MEGF9: variants seen among roughly 807,000 people sequenced by gnomAD.
MEGF9 encodes the protein multiple epidermal growth factor-like domains protein 9.
Under a neutral mutation model 46.8 loss-of-function variants are expected in MEGF9, and 6 were observed. The observed-to-expected ratio is 0.13, with a 90% CI of 0.07 to 0.25. The LOEUF (loss-of-function observed/expected upper bound fraction) is 0.25, where lower values mean the gene tolerates loss of function less well. Ranked by LOEUF, MEGF9 falls within the 10% of genes least tolerant of loss-of-function variation. The pLI is 1.00. For synonymous variants in MEGF9, 302 were observed against 330.7 expected (o/e 0.91, Z 0.94); for missense variants, 683 against 792.4 (o/e 0.86, Z 1.66).
rs1284886838 is a variant in MEGF9, at chr9:120,660,905, G to A, written c.602-1330C>T. ...TATAAAATGGCACTGTACCAACACA[G>A]TTTAGCTTGGAAAAAATAATCTTTG... On this transcript the variant is annotated intron_variant, in intron 1 of 5. Transcript: ENST00000373930. Among the ~76,000 whole-genome samples the A allele has an allele frequency of 2.6e-5, 4 of 152,192 alleles. No individual in the cohort carries two copies. In the East Asian group the frequency reaches 7.7e-4, roughly 29 times the overall value.
rs980554788 is a variant in MEGF9 at position 120,604,061 on chromosome 9, T to C, written c.*1129A>G. 1.3e-5 allele frequency: 2 copies of C among 152,664 alleles called. No individual in the cohort carries two copies. Among genetic ancestry groups the C allele is most frequent in the Non-Finnish European group, 2.9e-5 (2 of 68,044 alleles). The allele number at this position is 152,664 out of a possible 1,614,324, so 9.5% of individuals were successfully genotyped here. ...GTTTTATATTAATCTATGTAAAATA[T>C]ATAGGGTGGCTAATGTCTAATTAGA... On this transcript the variant is annotated 3_prime_UTR_variant, in exon 6 of 6. Transcript: ENST00000373930.
chr9:120,692,854 C>A (rs1023331125), intron 1 of MEGF9, among the ~76,000 whole-genome samples: 2 of 152,148 alleles, frequency 1.3e-5, no homozygotes, highest in African/African-American at 4.8e-5. Context: ...AGAAAACATC[C>A]CACAGAAAGC....
intron 1 of MEGF9, chr9:120,689,867 A>G (rs377228711): frequency 1.0e-5 from 5 of 489,886 alleles, no homozygotes; most frequent in Non-Finnish European, 1.7e-5. Context: ...TTACTTGCAC[A>G]TTATGTCAAT....
Position 120,643,284 on chromosome 9 carries a change from T to C in MEGF9, c.803+16090A>G, listed in dbSNP as rs1015731637. ...GCTGATTTAATTTTCTTTCAGGGAA[T>C]AGAGAGGAAGACAAAGCCTTCTCTG... On this transcript the variant is annotated intron_variant, in intron 2 of 5. Transcript: ENST00000373930. 3.9e-5 allele frequency among the ~76,000 whole-genome samples: 6 copies of C among 152,096 alleles called. No homozygotes were observed. In the East Asian group the frequency reaches 5.8e-4, roughly 15 times the overall value.
At chr9:120,614,425 T>C (rs140834690) in intron 3 of MEGF9, among the ~76,000 whole-genome samples, 280 of 152,326 alleles carry the variant, frequency 1.8e-3, no homozygotes, top group African/African-American at 6.4e-3. Flanking sequence ...TTTTCAATCA[T>C]GTAATTGTAA....
At chr9:120,616,252 A>G (rs1005644140) in intron 3 of MEGF9, among the ~76,000 whole-genome samples, 1 of 151,892 alleles carries the variant, frequency 6.6e-6, no homozygotes, top group African/African-American at 2.4e-5. Context: ...TCATATATAT[A>G]TTTAATAATT....
In MEGF9 at chr9:120,601,504, G is replaced by A. The variant is rs1392853266; in HGVS notation, c.*3686C>T. 2 of 152,196 alleles carry A rather than the reference G, an allele frequency of 1.3e-5. No homozygotes were observed. Among genetic ancestry groups the A allele is most frequent in the Admixed American group, 6.5e-5 (1 of 15,286 alleles). The allele number at this position is 152,196 out of a possible 1,614,324, so 9.4% of individuals were successfully genotyped here. A position where few individuals can be genotyped will look rare whatever the true frequency, so the allele number is the denominator to read the frequency against. ...CCAAAATAAACTAGTAGGTCAGTGA[G>A]TATTGCTTTAATGGTCAATTTACCT... On this transcript the variant is annotated 3_prime_UTR_variant, in exon 6 of 6. Coordinates refer to ENST00000373930, the MANE Select transcript of MEGF9 (RefSeq NM_001080497.3).
intron 2 of MEGF9, among the ~76,000 whole-genome samples, chr9:120,623,951 C>T (rs949719076): frequency 6.6e-6 from 1 of 152,204 alleles, no homozygotes; most frequent in African/African-American, 2.4e-5. Flanking sequence ...TAAACAGTTA[C>T]TTTCAATGAT....
In MEGF9 at chr9:120,622,648, T is replaced by C. The variant is rs758365640; in HGVS notation, c.911A>G (p.Asn304Ser). The change falls in exon 3 of 6, where the codon AAT becomes AGT. Residue 304 changes from asparagine to serine, a missense_variant. By Grantham distance (46) the Asn-to-Ser change is conservative. Transcript: ENST00000373930. ...GGCATCGCAACTGGCAGACCGATTA[T>C]TGCATTGGCAGGGCAAGCAGCCATT... Reference protein sequence around the residue: ...SKNGCLPCQCNNRSASCDALT... With the variant: ...SKNGCLPCQCSNRSASCDALT... The C allele has an allele frequency of 6.2e-7, 1 of 1,613,896 alleles. No homozygotes were observed. Among genetic ancestry groups the C allele is most frequent in the East Asian group, 2.2e-5 (1 of 44,878 alleles).
chr9:120,611,452 G>C (rs534784399), intron 4 of MEGF9, among the ~76,000 whole-genome samples: 2 of 152,184 alleles, frequency 1.3e-5, no homozygotes, highest in East Asian at 1.9e-4. Context: ...TAACATGAAT[G>C]AACTGAAAAT....
intron 1 of MEGF9, among the ~76,000 whole-genome samples, chr9:120,699,561 T>A (rs796449493): frequency 4.0e-5 from 6 of 151,826 alleles, no homozygotes; most frequent in African/African-American, 1.4e-4. Context: ...CTACAATTTT[T>A]TTTTTTTTTA....
At chr9:120,656,686 T>C (rs2043678931) in intron 2 of MEGF9, among the ~76,000 whole-genome samples, 1 of 152,174 alleles carries the variant, frequency 6.6e-6, no homozygotes, top group South Asian at 2.1e-4. Context: ...GCTTAGAAGA[T>C]TTATGCATGC....
At chr9:120,614,391 C>G (rs984971706) in intron 3 of MEGF9, among the ~76,000 whole-genome samples, 1 of 152,122 alleles carries the variant, frequency 6.6e-6, no homozygotes, top group Non-Finnish European at 1.5e-5. Flanking sequence ...AACATTAAAT[C>G]AAACTTGTAT....
rs1254284966 is a variant in MEGF9, at chr9:120,603,667, T to A, written c.*1523A>T. 1.3e-5 allele frequency: 2 copies of A among 152,218 alleles called. No individual in the cohort carries two copies. The highest frequency in any genetic ancestry group is 2.4e-5 in the African/African-American group (1 of 41,450). The allele number at this position is 152,218 out of a possible 1,614,324, so 9.4% of individuals were successfully genotyped here. ...GACCACCTTTCCCACCCACCTTGCTTAACCCAAAATGTCAATATCATAATA... is the reference window on the plus strand; with the variant it reads ...GACCACCTTTCCCACCCACCTTGCTAAACCCAAAATGTCAATATCATAATA... On this transcript the variant is annotated 3_prime_UTR_variant, in exon 6 of 6. Coordinates refer to ENST00000373930, the MANE Select transcript of MEGF9 (RefSeq NM_001080497.3).
At position 120,634,301 on chromosome 9, in the gene MEGF9, T is replaced by C. The variant is rs185785954; in HGVS notation, c.804-11546A>G. ...TTGGGTGCATATATATTTACAATTA[T>C]TATATCCTTTTGCTAAATTAATTCC... is the stretch of plus-strand genomic sequence containing the variant. On this transcript the variant is annotated intron_variant, in intron 2 of 5. Transcript: ENST00000373930. Among the ~76,000 whole-genome samples, 336 of 152,230 alleles carry C rather than the reference T, an allele frequency of 2.2e-3. 2 individuals carry two copies. The highest frequency in any genetic ancestry group is 7.7e-3 in the African/African-American group (319 of 41,560).
intron 2 of MEGF9, among the ~76,000 whole-genome samples, chr9:120,658,475 T>G (rs1247115964): frequency 6.6e-6 from 1 of 152,228 alleles, no homozygotes; most frequent in African/African-American, 2.4e-5. Context: ...AAACCAGAAT[T>G]TATTGAGTGA....
chr9:120,619,012 G>C (rs1232368533), intron 3 of MEGF9, among the ~76,000 whole-genome samples: 1 of 151,688 alleles, frequency 6.6e-6, no homozygotes, highest in Non-Finnish European at 1.5e-5. Context: ...TTTATACCTT[G>C]CTTCTTTCAC....
intron 1 of MEGF9, 65 bp from the exon 2 acceptor site, chr9:120,659,640 C>T: frequency 8.0e-7 from 1 of 1,243,178 alleles, no homozygotes; most frequent in Non-Finnish European, 1.1e-6. Context: ...ATAAAATGAA[C>T]TCTATTTTAT....
In MEGF9 at chr9:120,612,630, A is replaced by G. The variant is rs2043454091; in HGVS notation, c.944-91T>C. On this transcript the variant is annotated intron_variant, in intron 3 of 5. Transcript: ENST00000373930. ...TCATGCCTGCAACAAAAAGATCATA[A>G]GAAAAAGAAAAACTAATAGGGATTG... The G allele has an allele frequency of 2.6e-6, 3 of 1,165,232 alleles. No homozygotes were observed. The East Asian group carries it at 7.5e-5, about 29-fold the overall frequency. The allele number at this position is 1,165,232 out of a possible 1,614,324, so 72.2% of individuals were successfully genotyped here.
Sources: allele counts gnomAD v4.1 joint callset (sites outside exome capture counted in the v4.1 genomes callset), GRCh38; gene constraint gnomAD v4.1.1; transcripts MANE v1.5; gene names NCBI Gene and HGNC (gene_info 2026-07-23, HGNC 2026-07-21).